The following PIK3C2G variants were observed in gnomAD, a reference collection of about 807,000 sequenced individuals.
PIK3C2G encodes the protein phosphatidylinositol 3-kinase C2 domain-containing subunit gamma.
PIK3C2G carries 168 observed loss-of-function variants against 181.1 expected under a neutral mutation model. The observed-to-expected ratio is 0.93, with a 90% CI of 0.82 to 1.05. The LOEUF (loss-of-function observed/expected upper bound fraction) is 1.05. PIK3C2G is among the 50% of genes least tolerant of loss of function. PIK3C2G has a pLI of 0.00. For missense variants in PIK3C2G, 1,869 were observed against 1,732.8 expected, an observed-to-expected ratio of 1.08 and a Z score of -1.40; for synonymous variants, 573 against 592.2, an observed-to-expected ratio of 0.97 and a Z score of 0.47.
At chr12:18,245,335 A>G (rs1948028772), upstream of PIK3C2G, among the ~76,000 whole-genome samples, 1 of 152,112 alleles carries the variant, frequency 6.6e-6, no homozygotes, top group Non-Finnish European at 1.5e-5. Flanking sequence ...TCAGTGTGAT[A>G]TAATTAAACA....
chr12:18,675,633 G>T, the PIK3C2G span, among the ~76,000 whole-genome samples: 2 of 152,052 alleles, frequency 1.3e-5, no homozygotes, highest in African/African-American at 4.8e-5. Flanking sequence ...GCTCATCAAT[G>T]GTTGATTGGG....
the PIK3C2G span, among the ~76,000 whole-genome samples, chr12:18,673,971 C>A: frequency 2.0e-5 from 3 of 152,254 alleles, no homozygotes; most frequent in Non-Finnish European, 4.4e-5. Context: ...AGTGACATCA[C>A]CTTCATGTTG....
chr12:18,380,093 C>G (rs773551415), intron 13 of PIK3C2G, among the ~76,000 whole-genome samples: 2 of 152,100 alleles, frequency 1.3e-5, no homozygotes, highest in Admixed American at 6.5e-5. Context: ...AGAAGAGGAG[C>G]GCCTCTGCCT....
the PIK3C2G span, among the ~76,000 whole-genome samples, chr12:18,699,003 A>G: frequency 2.6e-5 from 4 of 152,158 alleles, no homozygotes; most frequent in East Asian, 7.7e-4. Context: ...TTCCCTTTTA[A>G]GTTTGGGACA....
At chr12:18,603,243 A>C (rs938305351) in intron 30 of PIK3C2G, among the ~76,000 whole-genome samples, 1 of 152,154 alleles carries the variant, frequency 6.6e-6, no homozygotes, top group Non-Finnish European at 1.5e-5. Context: ...AATTCTCAGC[A>C]ATATAATTGA....
At chr12:18,567,740 A>T (rs1260025915) in intron 29 of PIK3C2G, among the ~76,000 whole-genome samples, 1 of 152,016 alleles carries the variant, frequency 6.6e-6, no homozygotes, top group Non-Finnish European at 1.5e-5. Flanking sequence ...AGTGAGAAAA[A>T]CCAAAAAGAA....
intron 18 of PIK3C2G, among the ~76,000 whole-genome samples, chr12:18,465,289 T>C (rs943352241): frequency 9.9e-5 from 15 of 152,066 alleles, no homozygotes; most frequent in African/African-American, 3.6e-4. Context: ...ACAACTTGTT[T>C]CCTACTTTAT....
chr12:18,286,487 G>A (rs764828822), intron 2 of PIK3C2G, among the ~76,000 whole-genome samples: 9 of 151,918 alleles, frequency 5.9e-5, no homozygotes, highest in African/African-American at 9.7e-5. Flanking sequence ...TTACATAGAA[G>A]CCACAAACAA....
intron 18 of PIK3C2G, among the ~76,000 whole-genome samples, chr12:18,470,151 A>G (rs550625949): frequency 1.3e-5 from 2 of 152,146 alleles, no homozygotes; most frequent in East Asian, 1.9e-4. Context: ...AATTTGGGAG[A>G]TATTATTTAT....
At chr12:18,483,055 C>T (rs1939712718) in intron 18 of PIK3C2G, among the ~76,000 whole-genome samples, 1 of 152,140 alleles carries the variant, frequency 6.6e-6, no homozygotes, top group Non-Finnish European at 1.5e-5. Flanking sequence ...TCTTGGTAGC[C>T]AACTCCAGAG....
chr12:18,361,697 G>A (rs1440437663), intron 11 of PIK3C2G, among the ~76,000 whole-genome samples: 3 of 152,132 alleles, frequency 2.0e-5, no homozygotes, highest in Non-Finnish European at 4.4e-5. Context: ...TTTTTCTGGT[G>A]TCTGTCTGTG....
upstream of PIK3C2G, among the ~76,000 whole-genome samples, chr12:18,246,427 G>T (rs778860668): frequency 1.7e-4 from 26 of 151,988 alleles, no homozygotes; most frequent in Non-Finnish European, 3.5e-4. Context: ...ATATATTATA[G>T]ATTATAATAT....
rs539967535 is a variant in PIK3C2G at position 18,379,102 on chromosome 12, T to C, written c.1881-2664T>C. ...CGGCACTATTCACAATAGCAAAGAC[T>C]TGGAACCAACCCAAATGTCCATCAG... On this transcript the variant is annotated intron_variant, in intron 13 of 32. Transcript: ENST00000538779. Among the ~76,000 whole-genome samples the C allele has an allele frequency of 3.9e-5, 6 of 152,110 alleles. 1 individual carries two copies. The South Asian group carries it at 1.2e-3, about 32-fold the overall frequency.
At chr12:18,461,070 T>C (rs1318152563) in intron 18 of PIK3C2G, among the ~76,000 whole-genome samples, 3 of 152,110 alleles carry the variant, frequency 2.0e-5, no homozygotes, top group East Asian at 1.9e-4. Context: ...AACTGTATGT[T>C]TATGTGTATG....
At chr12:18,615,375 G>GTATA (rs148196099) in intron 31 of PIK3C2G, among the ~76,000 whole-genome samples, 9 of 89,578 alleles carry the variant, frequency 1.0e-4, no homozygotes, top group African/African-American at 2.5e-4. Flanking sequence ...GTGTGTATGT[G>GTATA]TATATATATA....
At chr12:18,696,814 T>C in the PIK3C2G span, among the ~76,000 whole-genome samples, 5 of 152,228 alleles carry the variant, frequency 3.3e-5, no homozygotes, top group Non-Finnish European at 7.4e-5. Context: ...CTCCAGCATC[T>C]TCCCCCAAAG....
chr12:18,413,830 T>G (rs893257941), intron 16 of PIK3C2G, among the ~76,000 whole-genome samples: 1 of 152,030 alleles, frequency 6.6e-6, no homozygotes, highest in Non-Finnish European at 1.5e-5. Context: ...TCAAAATAGG[T>G]TGTAGTTTTT....
intron 15 of PIK3C2G, among the ~76,000 whole-genome samples, chr12:18,397,754 C>T (rs1236938960): frequency 2.0e-5 from 3 of 151,996 alleles, no homozygotes; most frequent in Non-Finnish European, 4.4e-5. Flanking sequence ...ATAACCATGT[C>T]CTTCCTCTCA....
chr12:18,723,269 C>T, the PIK3C2G span: 2 of 1,509,490 alleles, frequency 1.3e-6, no homozygotes, highest in South Asian at 1.2e-5. Flanking sequence ...AAAAATACTT[C>T]ACATATAAAT....
Sources: gnomAD v4.1 joint callset for allele counts (sites outside exome capture counted in the v4.1 genomes callset) on GRCh38, gnomAD v4.1.1 for gene constraint, MANE v1.5 for transcripts, NCBI Gene and HGNC (gene_info 2026-07-23, HGNC 2026-07-21) for gene names.